Variants in ERCC6L2 observed in about 807,000 individuals in gnomAD.
The protein encoded by ERCC6L2 is DNA excision repair protein ERCC-6-like 2.
ERCC6L2 carries 77 observed loss-of-function variants against 132.0 expected under a neutral mutation model. That is an observed-to-expected ratio of 0.58 (90% CI 0.49 to 0.71). The LOEUF (loss-of-function observed/expected upper bound fraction) is 0.71. Among genes scored for constraint, ERCC6L2 ranks in the 30% least tolerant of loss-of-function variants. The pLI, the probability that ERCC6L2 is intolerant of heterozygous loss-of-function variation, is 0.00. For synonymous variants in ERCC6L2, 583 were observed against 632.4 expected (o/e 0.92, Z 1.17); for missense variants, 1,542 against 1,837.6 (o/e 0.84, Z 2.94).
intron 12 of ERCC6L2, among the ~76,000 whole-genome samples, chr9:95,942,439 A>G (rs1029921664): frequency 1.3e-5 from 2 of 152,186 alleles, no homozygotes; most frequent in African/African-American, 2.4e-5. Context: ...TAAAAAAACA[A>G]ATTAGTTCTT....
chr9:95,977,099 A>C (rs1190626431), intron 16 of ERCC6L2, among the ~76,000 whole-genome samples: 1 of 152,164 alleles, frequency 6.6e-6, no homozygotes, highest in Non-Finnish European at 1.5e-5. Context: ...TACTGTGTAA[A>C]AGGTGTCAGT....
At position 96,016,663 on chromosome 9, in the gene ERCC6L2, AAT is replaced by A. The variant is rs1208964759; in HGVS notation, c.*3462_*3463del. ...CACAGAAAATGAGAAAGCCACAGGA[AAT>A]ACACGGTTATTTTCTAATTAAAGTT... On this transcript the variant is annotated 3_prime_UTR_variant, in exon 19 of 19. Coordinates refer to ENST00000653738, the MANE Select transcript of ERCC6L2 (RefSeq NM_020207.7). Among the ~76,000 whole-genome samples, 1 of 152,230 alleles carries A rather than the reference AAT, an allele frequency of 6.6e-6. No homozygotes were observed. Among genetic ancestry groups the A allele is most frequent in the Non-Finnish European group, 1.5e-5 (1 of 68,036 alleles).
chr9:95,987,655 G>A (rs1833144969), intron 17 of ERCC6L2, among the ~76,000 whole-genome samples: 1 of 152,160 alleles, frequency 6.6e-6, no homozygotes, highest in Non-Finnish European at 1.5e-5. Context: ...GAGTGGCTGT[G>A]GCTTTTCCAG....
intron 9 of ERCC6L2, among the ~76,000 whole-genome samples, chr9:95,927,579 A>G (rs1830155401): frequency 1.3e-5 from 2 of 152,186 alleles, no homozygotes; most frequent in African/African-American, 4.8e-5. Context: ...AACAAAGGGG[A>G]GAAAATGAGA....
intron 9 of ERCC6L2, 88 bp from the exon 10 acceptor site, chr9:95,927,991 T>G: frequency 1.1e-6 from 1 of 871,160 alleles, no homozygotes; most frequent in Non-Finnish European, 1.9e-6. Context: ...TGAAAATAAT[T>G]TTAAAGAAAT....
chr9:95,947,628 A>G (rs1459722543), intron 12 of ERCC6L2, among the ~76,000 whole-genome samples: 3 of 152,242 alleles, frequency 2.0e-5, no homozygotes, highest in East Asian at 1.9e-4. Flanking sequence ...ACTGTAGTCA[A>G]TAAAGAGGAG....
At chr9:95,922,927 C>A (rs1457821765) in intron 8 of ERCC6L2, among the ~76,000 whole-genome samples, 1 of 151,956 alleles carries the variant, frequency 6.6e-6, no homozygotes, top group Non-Finnish European at 1.5e-5. Flanking sequence ...ATAGTTGATG[C>A]CATTTAAATG....
At chr9:95,964,629 A>G (rs918323771) in intron 13 of ERCC6L2, among the ~76,000 whole-genome samples, 4 of 152,180 alleles carry the variant, frequency 2.6e-5, no homozygotes, top group African/African-American at 7.2e-5. Flanking sequence ...ACTTCTTAAC[A>G]TCATAAATGT....
intron 2 of ERCC6L2, among the ~76,000 whole-genome samples, chr9:95,897,067 A>G (rs1450395231): frequency 2.0e-5 from 3 of 149,756 alleles, no homozygotes; most frequent in Non-Finnish European, 4.5e-5. Flanking sequence ...TTTTCTTCTT[A>G]TTTATTTTTG....
At chr9:96,018,811 T>G (rs1333120312), downstream of ERCC6L2, among the ~76,000 whole-genome samples, 1 of 152,214 alleles carries the variant, frequency 6.6e-6, no homozygotes, top group Non-Finnish European at 1.5e-5. Context: ...TGCCTAAGTT[T>G]CCATTAAGAC....
intron 4 of ERCC6L2, among the ~76,000 whole-genome samples, chr9:95,913,134 T>C (rs1450638908): frequency 6.6e-6 from 1 of 152,222 alleles, no homozygotes; most frequent in African/African-American, 2.4e-5. Context: ...TTAAATATCC[T>C]GGTATCCCTC....
At chr9:95,945,867 CATAAAT>C (rs1831035631) in intron 12 of ERCC6L2, among the ~76,000 whole-genome samples, 1 of 151,972 alleles carries the variant, frequency 6.6e-6, no homozygotes, top group Non-Finnish European at 1.5e-5. Flanking sequence ...TAAATCCAAA[CATAAAT>C]ATGAATATGT....
rs191805483 is a variant in ERCC6L2, at chr9:95,929,071, G to A, written c.1751+207G>A. 9.2e-5 allele frequency: 35 copies of A among 381,118 alleles called. 1 individual carries two copies. In the Admixed American group the frequency reaches 9.5e-4, roughly 10 times the overall value. The allele number at this position is 381,118 out of a possible 1,614,324, so 23.6% of individuals were successfully genotyped here. A position where few individuals can be genotyped will look rare whatever the true frequency, so the allele number is the denominator to read the frequency against. ...TATCAACATTGAATTCCTCTTAGAAGTCTGGGTTTATAAAGGTAACAATAA... is the reference window on the plus strand; with the variant it reads ...TATCAACATTGAATTCCTCTTAGAAATCTGGGTTTATAAAGGTAACAATAA... On this transcript the variant is annotated intron_variant, in intron 11 of 18. Transcript: ENST00000653738.
intron 9 of ERCC6L2, 34 bp downstream of exon 9, chr9:95,923,413 T>C: frequency 6.2e-7 from 1 of 1,607,646 alleles, no homozygotes; most frequent in Admixed American, 1.7e-5. Context: ...CATACAGACA[T>C]GATACACAAA....
chr9:95,935,990 G>A (rs1174721773), intron 11 of ERCC6L2, among the ~76,000 whole-genome samples: 3 of 152,102 alleles, frequency 2.0e-5, no homozygotes, highest in Admixed American at 2.0e-4. Context: ...GTGAGAATGG[G>A]CATGGGTGTA....
chr9:95,926,569 C>G (rs545822006), intron 9 of ERCC6L2, among the ~76,000 whole-genome samples: 3 of 152,142 alleles, frequency 2.0e-5, no homozygotes, highest in African/African-American at 7.2e-5. Context: ...ATAATACTAT[C>G]AAAAGGCAAA....
intron 18 of ERCC6L2, among the ~76,000 whole-genome samples, chr9:96,005,895 A>G (rs1266464375): frequency 6.6e-6 from 1 of 152,208 alleles, no homozygotes; most frequent in Admixed American, 6.5e-5. Context: ...GATAGAGCCA[A>G]GTAGATGAAT....
chr9:95,977,842 CT>C (rs1335270670), intron 16 of ERCC6L2, among the ~76,000 whole-genome samples: 1 of 151,630 alleles, frequency 6.6e-6, no homozygotes, highest in Non-Finnish European at 1.5e-5. Flanking sequence ...AGATTGTTAC[CT>C]ATCAGTAGTT....
chr9:95,907,331 A>G, intron 4 of ERCC6L2, 60 bp downstream of exon 4: 2 of 838,284 alleles, frequency 2.4e-6, no homozygotes, highest in Non-Finnish European at 3.3e-6. Flanking sequence ...ATCCCTTTAT[A>G]TTAAGAGTTT....
Sources: allele counts gnomAD v4.1 joint callset (sites outside exome capture counted in the v4.1 genomes callset), GRCh38; gene constraint gnomAD v4.1.1; transcripts MANE v1.5; gene names NCBI Gene and HGNC (gene_info 2026-07-23, HGNC 2026-07-21).